SLC39A9: variants seen among roughly 807,000 people sequenced by gnomAD.
SLC39A9 encodes the protein zinc transporter ZIP9.
In SLC39A9, 14 loss-of-function variants were observed where a neutral mutation model predicts 28.4. The ratio of observed to expected loss-of-function variants is 0.49; its 90% CI spans 0.33 to 0.77. The LOEUF (loss-of-function observed/expected upper bound fraction) is 0.77, where lower values mean the gene tolerates loss of function less well. SLC39A9 is among the 30% of genes least tolerant of loss of function. SLC39A9 has a pLI of 0.02. For synonymous variants in SLC39A9, 119 were observed against 149.6 expected, an observed-to-expected ratio of 0.80 and a Z score of 1.49; for missense variants, 283 against 381.1, an observed-to-expected ratio of 0.74 and a Z score of 2.14.
intron 1 of SLC39A9, 32 bp from the exon 2 acceptor site, chr14:69,424,062 G>A: frequency 1.3e-6 from 2 of 1,545,828 alleles, no homozygotes; most frequent in Non-Finnish European, 1.8e-6. Context: ...ATTAATCAAA[G>A]TTTGCAATTA....
intron 1 of SLC39A9, among the ~76,000 whole-genome samples, chr14:69,422,402 T>C (rs1344705122): frequency 1.3e-5 from 2 of 152,098 alleles, no homozygotes; most frequent in Non-Finnish European, 2.9e-5. Context: ...TAGTTTTTTA[T>C]TATTTTTTAT....
intron 2 of SLC39A9, among the ~76,000 whole-genome samples, chr14:69,440,909 C>T (rs1277468514): frequency 1.3e-5 from 2 of 152,098 alleles, no homozygotes; most frequent in Non-Finnish European, 2.9e-5. Flanking sequence ...GTGATCTGCC[C>T]CCCTTGGCCT....
intron 3 of SLC39A9, among the ~76,000 whole-genome samples, chr14:69,448,432 T>G (rs1369228772): frequency 2.0e-5 from 3 of 152,104 alleles, no homozygotes; most frequent in African/African-American, 7.2e-5. Context: ...GAGCAGCAGA[T>G]GTACATCCTG....
At chr14:69,431,286 C>A (rs1292935130) in intron 2 of SLC39A9, among the ~76,000 whole-genome samples, 1 of 151,932 alleles carries the variant, frequency 6.6e-6, no homozygotes, top group Admixed American at 6.6e-5. Context: ...ATAAAAAGTT[C>A]TAATATAAGA....
chr14:69,401,423 CAT>C lies in SLC39A9; in HGVS notation c.96+1959_96+1960del, dbSNP rs540004277. On this transcript the variant is annotated intron_variant, in intron 1 of 6. Transcript: ENST00000336643. ...ATTGAATTGACATTAGTAGGGCTGA[CAT>C]GTGTGAGATTTGGGTTGGTTTGTGT... Among the ~76,000 whole-genome samples, 371 of 152,260 alleles carry C rather than the reference CAT, an allele frequency of 2.4e-3. 3 individuals are homozygous for C. Among genetic ancestry groups the C allele is most frequent in the African/African-American group, 8.3e-3 (346 of 41,550 alleles).
Position 69,459,919 on chromosome 14 carries a change from G to A in SLC39A9, c.*1326G>A. On this transcript the variant is annotated 3_prime_UTR_variant, in exon 7 of 7. Coordinates refer to ENST00000336643, the MANE Select transcript of SLC39A9 (RefSeq NM_018375.5). Reference sequence around the variant, plus strand: ...ATCCCCCTTCAAAGAAATTACCTTTGTGTCAAATGCCGCTTTGTTGAGCCC... The same window carrying A: ...ATCCCCCTTCAAAGAAATTACCTTTATGTCAAATGCCGCTTTGTTGAGCCC... 1 of 985,514 alleles carries A rather than the reference G, an allele frequency of 1.0e-6. No homozygotes were observed. The highest frequency in any genetic ancestry group is 4.7e-5 in the South Asian group (1 of 21,272). 61.0% of individuals were successfully genotyped at this position (985,514 alleles called of 1,614,324 possible). A position where few individuals can be genotyped will look rare whatever the true frequency, so the allele number is the denominator to read the frequency against.
intron 1 of SLC39A9, among the ~76,000 whole-genome samples, chr14:69,401,437 G>T (rs557438287): frequency 1.7e-3 from 254 of 152,216 alleles, no homozygotes; most frequent in Middle Eastern, 3.4e-3. Flanking sequence ...TGTGAGATTT[G>T]GGTTGGTTTG....
chr14:69,417,212 C>T (rs971609691), intron 1 of SLC39A9, among the ~76,000 whole-genome samples: 2 of 152,154 alleles, frequency 1.3e-5, no homozygotes, highest in African/African-American at 4.8e-5. Flanking sequence ...TTCCCAGCAC[C>T]ATTTATTAAA....
rs371010889 is a variant in SLC39A9, at chr14:69,447,858, A to G, written c.404-5383A>G. ...AGACCAGGACAGGGAGGTTACAGTG[A>G]GCCAATATTGTGCCACTGTATTCTA... On this transcript the variant is annotated intron_variant, in intron 3 of 6. Transcript: ENST00000336643. 3.7e-4 allele frequency among the ~76,000 whole-genome samples: 55 copies of G among 150,436 alleles called. 3 individuals are homozygous for G. The highest frequency in any genetic ancestry group is 2.5e-3 in the East Asian group (13 of 5,100).
chr14:69,422,810 C>T (rs1428391179), intron 1 of SLC39A9, among the ~76,000 whole-genome samples: 1 of 152,194 alleles, frequency 6.6e-6, no homozygotes, highest in Non-Finnish European at 1.5e-5. Flanking sequence ...TCTCGAACTC[C>T]TGACCTCAGG....
intron 2 of SLC39A9, among the ~76,000 whole-genome samples, chr14:69,439,607 T>A (rs1884945889): frequency 1.3e-5 from 2 of 152,162 alleles, no homozygotes; most frequent in South Asian, 4.1e-4. Flanking sequence ...CCCCTCCACA[T>A]CTAGTGTTGA....
At chr14:69,413,474 A>C (rs568643346) in intron 1 of SLC39A9, among the ~76,000 whole-genome samples, 1 of 152,374 alleles carries the variant, frequency 6.6e-6, no homozygotes, top group Admixed American at 6.5e-5. Flanking sequence ...TCTTAAAAGA[A>C]AGGACATTAT....
chr14:69,408,820 T>C (rs1173851006), intron 1 of SLC39A9, among the ~76,000 whole-genome samples: 1 of 152,190 alleles, frequency 6.6e-6, no homozygotes, highest in African/African-American at 2.4e-5. Context: ...GAAAAACATT[T>C]TGAATTATTA....
intron 2 of SLC39A9, among the ~76,000 whole-genome samples, chr14:69,434,073 C>CTTTTTTTTT (rs1566917650): frequency 7.2e-6 from 1 of 139,350 alleles, no homozygotes; most frequent in African/African-American, 2.7e-5. Flanking sequence ...GCATGTAATT[C>CTTTTTTTTT]TTTTCTTTTC....
At chr14:69,417,036 A>C (rs1883615672) in intron 1 of SLC39A9, among the ~76,000 whole-genome samples, 1 of 152,156 alleles carries the variant, frequency 6.6e-6, no homozygotes, top group Non-Finnish European at 1.5e-5. Context: ...TTAGTCATGA[A>C]GTCCTTGCCC....
chr14:69,428,813 T>G (rs958624884), intron 2 of SLC39A9: 3 of 152,258 alleles, frequency 2.0e-5, no homozygotes, highest in Non-Finnish European at 4.4e-5. Context: ...TTTGGGGATG[T>G]GCAAGACATT....
At chr14:69,431,519 A>G (rs1884490408) in intron 2 of SLC39A9, among the ~76,000 whole-genome samples, 1 of 150,692 alleles carries the variant, frequency 6.6e-6, no homozygotes, top group African/African-American at 2.4e-5. Context: ...ACCATTAAAT[A>G]TGAGGTTAGA....
intron 1 of SLC39A9, among the ~76,000 whole-genome samples, chr14:69,410,921 G>T (rs1449680173): frequency 2.6e-5 from 4 of 151,768 alleles, no homozygotes; most frequent in African/African-American, 9.7e-5. Context: ...CGTATCAAAA[G>T]CTTTTAAAGA....
intron 3 of SLC39A9, among the ~76,000 whole-genome samples, chr14:69,450,049 G>A (rs1330480400): frequency 2.6e-5 from 4 of 152,036 alleles, no homozygotes; most frequent in East Asian, 3.9e-4. Context: ...TTAGCTGGGC[G>A]CAGTGGCGGG....
Sources: gnomAD v4.1 joint callset for allele counts (sites outside exome capture counted in the v4.1 genomes callset) on GRCh38, gnomAD v4.1.1 for gene constraint, MANE v1.5 for transcripts, NCBI Gene and HGNC (gene_info 2026-07-23, HGNC 2026-07-21) for gene names.